The following HYAL4 variants were observed in gnomAD, a reference collection of about 807,000 sequenced individuals.
HYAL4 encodes hyaluronidase-4.
HYAL4 carries 37 observed loss-of-function variants against 35.2 expected under a neutral mutation model. The ratio of observed to expected loss-of-function variants is 1.05; its 90% CI spans 0.81 to 1.38. The LOEUF (loss-of-function observed/expected upper bound fraction) is 1.38. Among genes scored for constraint, HYAL4 ranks in the 40% most tolerant of loss-of-function variants. The pLI is 0.00. For synonymous variants in HYAL4, 198 were observed against 203.2 expected (o/e 0.97, Z 0.22); for missense variants, 572 against 572.4 (o/e 1.00, Z 0.01).
chr7:123,769,590 G>A, the HYAL4 span, among the ~76,000 whole-genome samples: 4 of 152,208 alleles, frequency 2.6e-5, no homozygotes, highest in East Asian at 5.8e-4. Flanking sequence ...GAGCAATACC[G>A]AAAAGGCTGG....
the HYAL4 span, among the ~76,000 whole-genome samples, chr7:123,800,535 CAAAT>C: frequency 4.7e-5 from 7 of 149,898 alleles, no homozygotes; most frequent in African/African-American, 1.5e-4. Context: ...GCTAAAATAT[CAAAT>C]AAGCATATCA....
chr7:123,795,532 A>G, the HYAL4 span, among the ~76,000 whole-genome samples: 1 of 152,166 alleles, frequency 6.6e-6, no homozygotes, highest in Non-Finnish European at 1.5e-5. Flanking sequence ...AGTTCTTCTC[A>G]TGATAGTGAG....
At chr7:123,820,108 G>T in the HYAL4 span, among the ~76,000 whole-genome samples, 7 of 151,520 alleles carry the variant, frequency 4.6e-5, no homozygotes, top group Non-Finnish European at 1.0e-4. Flanking sequence ...GGCCAGGCTG[G>T]TCTCAAACTC....
intron 2 of HYAL4, among the ~76,000 whole-genome samples, chr7:123,868,013 C>T (rs945584800): frequency 1.1e-4 from 16 of 152,264 alleles, no homozygotes; most frequent in African/African-American, 3.9e-4. Context: ...GGGTCTGGTG[C>T]TCCATGAATG....
chr7:123,841,894 T>C (rs1806072316), upstream of HYAL4, among the ~76,000 whole-genome samples: 1 of 152,048 alleles, frequency 6.6e-6, no homozygotes, highest in African/African-American at 2.4e-5. Flanking sequence ...TTCTTCTTTA[T>C]TAATCTTGCT....
chr7:123,830,743 A>C (rs146801363), intron 1 of HYAL4, among the ~76,000 whole-genome samples: 100 of 152,288 alleles, frequency 6.6e-4, no homozygotes, highest in African/African-American at 2.3e-3. Flanking sequence ...GACATTCTTT[A>C]CAAAGTCTTT....
At chr7:123,838,378 A>G (rs1246887481) in intron 1 of HYAL4, among the ~76,000 whole-genome samples, 3 of 152,024 alleles carry the variant, frequency 2.0e-5, no homozygotes, top group Non-Finnish European at 2.9e-5. Flanking sequence ...CTACTATTAC[A>G]TAATTAATCA....
the HYAL4 span, among the ~76,000 whole-genome samples, chr7:123,800,404 C>T: frequency 2.0e-5 from 3 of 148,430 alleles, no homozygotes; most frequent in East Asian, 4.0e-4. Context: ...CTCCTGACTT[C>T]GTGATCCGCC....
the HYAL4 span, among the ~76,000 whole-genome samples, chr7:123,772,651 A>C: frequency 1.3e-5 from 2 of 152,248 alleles, no homozygotes; most frequent in African/African-American, 4.8e-5. Flanking sequence ...CAAAGCAGCA[A>C]TCCAATTATC....
At chr7:123,777,128 C>T in the HYAL4 span, among the ~76,000 whole-genome samples, 1 of 152,130 alleles carries the variant, frequency 6.6e-6, no homozygotes, top group Non-Finnish European at 1.5e-5. Flanking sequence ...TACGCCACCA[C>T]CATTGTGTAA....
chr7:123,784,839 T>G, the HYAL4 span, among the ~76,000 whole-genome samples: 1 of 152,118 alleles, frequency 6.6e-6, no homozygotes, highest in Non-Finnish European at 1.5e-5. Flanking sequence ...CAGGTTGGAT[T>G]ATGTGGTTGT....
the HYAL4 span, among the ~76,000 whole-genome samples, chr7:123,818,043 A>G: frequency 4.6e-5 from 7 of 151,216 alleles, no homozygotes; most frequent in African/African-American, 1.7e-4. Flanking sequence ...ATGCCTGGCT[A>G]TTTTTGTATT....
intron 3 of HYAL4, among the ~76,000 whole-genome samples, chr7:123,872,913 C>T (rs1365645177): frequency 3.9e-5 from 6 of 152,186 alleles, no homozygotes; most frequent in Admixed American, 3.9e-4. Flanking sequence ...ACATCTGACG[C>T]TTACATACTT....
chr7:123,854,930 G>A (rs1270123851), intron 2 of HYAL4, among the ~76,000 whole-genome samples: 1 of 152,202 alleles, frequency 6.6e-6, no homozygotes, highest in Non-Finnish European at 1.5e-5. Context: ...ATATATTTAG[G>A]ACAGTTAGCT....
upstream of HYAL4, among the ~76,000 whole-genome samples, chr7:123,843,493 C>T (rs538932519): frequency 5.3e-5 from 8 of 152,012 alleles, no homozygotes; most frequent in South Asian, 4.2e-4. Context: ...TTGCTCTTCT[C>T]GAGGAGTATC....
chr7:123,849,094 T>C (rs1284905564), intron 2 of HYAL4, among the ~76,000 whole-genome samples: 1 of 152,184 alleles, frequency 6.6e-6, no homozygotes, highest in African/African-American at 2.4e-5. Context: ...TTCAACCTGT[T>C]AAAGAGAAAT....
intron 3 of HYAL4, among the ~76,000 whole-genome samples, chr7:123,869,865 C>G (rs907155852): frequency 6.9e-6 from 1 of 144,110 alleles, no homozygotes; most frequent in Non-Finnish European, 1.5e-5. Flanking sequence ...AATTTTTGTA[C>G]TTTTAGTAAA....
At chr7:123,861,784 A>C (rs946039933) in intron 2 of HYAL4, among the ~76,000 whole-genome samples, 3 of 152,168 alleles carry the variant, frequency 2.0e-5, no homozygotes, top group Non-Finnish European at 4.4e-5. Context: ...GGAGTTCTAA[A>C]ATTAGTTCAG....
intron 2 of HYAL4, among the ~76,000 whole-genome samples, chr7:123,856,925 T>A (rs1806450083): frequency 6.6e-6 from 1 of 152,148 alleles, no homozygotes; most frequent in African/African-American, 2.4e-5. Context: ...CTACAGTGGC[T>A]TTGCCGAGCT....
Sources: gnomAD v4.1 joint callset for allele counts (sites outside exome capture counted in the v4.1 genomes callset) on GRCh38, gnomAD v4.1.1 for gene constraint, MANE v1.5 for transcripts, NCBI Gene and HGNC (gene_info 2026-07-23, HGNC 2026-07-21) for gene names.